ZNF385B: variants seen among roughly 807,000 people sequenced by gnomAD.
The protein encoded by ZNF385B is zinc finger protein 385B, also known as zinc finger protein 533.
Under a neutral mutation model 39.2 loss-of-function variants are expected in ZNF385B, and 23 were observed. The ratio of observed to expected loss-of-function variants is 0.59; its 90% CI spans 0.42 to 0.83. The LOEUF (loss-of-function observed/expected upper bound fraction) is 0.83. Among genes scored for constraint, ZNF385B ranks in the 40% least tolerant of loss-of-function variants. The pLI, the probability that ZNF385B is intolerant of heterozygous loss-of-function variation, is 0.00. For synonymous variants in ZNF385B, 205 were observed against 222.6 expected (o/e 0.92, Z 0.70); for missense variants, 552 against 598.9 (o/e 0.92, Z 0.82).
Position 179,715,532 on chromosome 2 carries a change from T to C in ZNF385B, c.298+53971A>G, listed in dbSNP as rs76692937. Among the ~76,000 whole-genome samples the C allele has an allele frequency of 7.6e-3, 1,161 of 152,286 alleles. 18 individuals carry two copies. The highest frequency in any genetic ancestry group is 0.027 in the African/African-American group (1,105 of 41,544). On this transcript the variant is annotated intron_variant, in intron 3 of 9. Transcript: ENST00000410066. Reference sequence around the variant, plus strand: ...TACAGCTGGTTCCATGAGTTAAGAATGTATGCTAATGAATATCCCATACCT... The same window carrying C: ...TACAGCTGGTTCCATGAGTTAAGAACGTATGCTAATGAATATCCCATACCT...
chr2:179,697,554 G>A (rs374383939), intron 3 of ZNF385B, among the ~76,000 whole-genome samples: 2 of 152,130 alleles, frequency 1.3e-5, no homozygotes, highest in African/African-American at 2.4e-5. Flanking sequence ...GTCTCGGGCA[G>A]TTCTTATAGC....
At chr2:179,639,323 G>A (rs1249019158) in intron 3 of ZNF385B, among the ~76,000 whole-genome samples, 1 of 151,608 alleles carries the variant, frequency 6.6e-6, no homozygotes, top group Non-Finnish European at 1.5e-5. Flanking sequence ...TAGACAGGAT[G>A]GAGTCCCAGA....
intron 1 of ZNF385B, chr2:179,814,136 G>T (rs1057395877): frequency 6.3e-6 from 1 of 159,976 alleles, no homozygotes; most frequent in African/African-American, 2.4e-5. Flanking sequence ...AGGCCCTGGG[G>T]GTCTTCAGGG....
intron 3 of ZNF385B, among the ~76,000 whole-genome samples, chr2:179,634,973 CAAAAAA>C (rs66671134): frequency 5.2e-5 from 6 of 115,582 alleles, no homozygotes; most frequent in African/African-American, 2.1e-4. Flanking sequence ...ACTAAAAATA[CAAAAAA>C]AAAAAAAAAA....
At position 179,645,646 on chromosome 2, in the gene ZNF385B, C is replaced by T. The variant is rs114494043; in HGVS notation, c.299-100677G>A. 6.3e-3 allele frequency among the ~76,000 whole-genome samples: 961 copies of T among 152,252 alleles called. 14 individuals are homozygous for T. The highest frequency in any genetic ancestry group is 0.021 in the African/African-American group (879 of 41,550). The stretch of plus-strand genomic sequence containing the variant: ...GCTAAAAGCCTGGAGACTGCTTATG[C>T]GATCTAAAGTGCCTTCTCCATCCTC... On this transcript the variant is annotated intron_variant, in intron 3 of 9. Transcript: ENST00000410066.
chr2:179,830,659 A>G (rs2106596715), intron 1 of ZNF385B, among the ~76,000 whole-genome samples: 1 of 152,354 alleles, frequency 6.6e-6, no homozygotes, highest in South Asian at 2.1e-4. Context: ...CATTCTGGAA[A>G]AGGCAAAACT....
chr2:179,807,929 A>AGAAAGAAAGAAAGAAAGAAAGAAGGAAG (rs749760813), intron 1 of ZNF385B, among the ~76,000 whole-genome samples: 1 of 116,412 alleles, frequency 8.6e-6, no homozygotes, highest in African/African-American at 2.9e-5. Context: ...AAAGAAAGAA[A>AGAAAGAAAGAAAGAAAGAAAGAAGGAAG]GAAGGAAGGA....
intron 1 of ZNF385B, among the ~76,000 whole-genome samples, chr2:179,785,206 G>A (rs1419643894): frequency 6.6e-6 from 1 of 152,146 alleles, no homozygotes; most frequent in Non-Finnish European, 1.5e-5. Context: ...CATTAGCTTC[G>A]AGGAGTGGAG....
chr2:179,745,798 T>C (rs1259757727), intron 3 of ZNF385B: 26 of 1,514,020 alleles, frequency 1.7e-5, no homozygotes, highest in Non-Finnish European at 2.3e-5. Context: ...ACTTCCAGTA[T>C]GTGACCAGGA....
In ZNF385B at chr2:179,535,141, C is replaced by T. The variant is rs528625594; in HGVS notation, c.441+9686G>A. On this transcript the variant is annotated intron_variant, in intron 4 of 9. Coordinates refer to ENST00000410066, the MANE Select transcript of ZNF385B (RefSeq NM_152520.6). ...TGTTTTGAGAATTTCATTCTATGCA[C>T]CTCTACTTATTTGTAAATCATAAGC... 7.7e-4 allele frequency among the ~76,000 whole-genome samples: 117 copies of T among 152,238 alleles called. No homozygotes were observed. The Middle Eastern group carries it at 0.014, about 18-fold the overall frequency.
At chr2:179,722,899 TA>T (rs1700782162) in intron 3 of ZNF385B, among the ~76,000 whole-genome samples, 1 of 152,116 alleles carries the variant, frequency 6.6e-6, no homozygotes, top group Non-Finnish European at 1.5e-5. Context: ...GGTCACATGA[TA>T]TGAATAGGAA....
At chr2:179,798,528 A>G (rs550438974) in intron 1 of ZNF385B, among the ~76,000 whole-genome samples, 3 of 152,234 alleles carry the variant, frequency 2.0e-5, no homozygotes, top group African/African-American at 4.8e-5. Flanking sequence ...CTTCATCTTT[A>G]TCTTCCTTCT....
At chr2:179,465,161 C>G (rs1415481620) in intron 6 of ZNF385B, among the ~76,000 whole-genome samples, 1 of 152,082 alleles carries the variant, frequency 6.6e-6, no homozygotes, top group Non-Finnish European at 1.5e-5. Context: ...CTTTGATGTT[C>G]ATGAAATTTC....
Position 179,442,882 on chromosome 2 carries a change from T to C in ZNF385B, c.*368A>G, listed in dbSNP as rs142500928. The C allele has an allele frequency of 1.0e-3, 281 of 278,314 alleles. 1 individual carries two copies. The highest frequency in any genetic ancestry group is 7.5e-3 in the Middle Eastern group (6 of 800). The allele number at this position is 278,314 out of a possible 1,614,324, so 17.2% of individuals were successfully genotyped here. A position where few individuals can be genotyped will look rare whatever the true frequency, so the allele number is the denominator to read the frequency against. ...CTAGTTTTCAAGTCTGTCAGGAAAA[T>C]ATTCCATATTGTTTTAAGCCAGATC... is the stretch of plus-strand genomic sequence containing the variant. On this transcript the variant is annotated 3_prime_UTR_variant, in exon 10 of 10. Coordinates refer to ENST00000410066, the MANE Select transcript of ZNF385B (RefSeq NM_152520.6).
At chr2:179,573,559 TATGTC>T (rs1319680555) in intron 3 of ZNF385B, among the ~76,000 whole-genome samples, 3 of 152,120 alleles carry the variant, frequency 2.0e-5, no homozygotes, top group African/African-American at 7.2e-5. Context: ...ATTTATTAGT[TATGTC>T]ATGTGCTGTA....
intron 3 of ZNF385B, among the ~76,000 whole-genome samples, chr2:179,674,280 C>T (rs568545665): frequency 1.2e-4 from 19 of 152,120 alleles, no homozygotes; most frequent in South Asian, 6.2e-4. Flanking sequence ...GTGAAGGAGA[C>T]GGATTATTAT....
At chr2:179,847,613 C>T (rs981814802) in intron 1 of ZNF385B, among the ~76,000 whole-genome samples, 11 of 152,174 alleles carry the variant, frequency 7.2e-5, no homozygotes, top group Non-Finnish European at 1.2e-4. Context: ...AAGTTCCTTG[C>T]AGCCACTTTT....
At chr2:179,445,456 CT>C (rs2049376807) in intron 8 of ZNF385B, 93 bp downstream of exon 8, 3 of 1,270,836 alleles carry the variant, frequency 2.4e-6, no homozygotes, top group Admixed American at 4.9e-5. Flanking sequence ...GTCAACTTAA[CT>C]GTGAGCACAG....
chr2:179,797,235 C>T (rs989345588), intron 1 of ZNF385B, among the ~76,000 whole-genome samples: 1 of 152,024 alleles, frequency 6.6e-6, no homozygotes, highest in Admixed American at 6.6e-5. Flanking sequence ...TAGTTCACTC[C>T]CAATTTTGAC....
Sources: allele counts gnomAD v4.1 joint callset (sites outside exome capture counted in the v4.1 genomes callset), GRCh38; gene constraint gnomAD v4.1.1; transcripts MANE v1.5; gene names NCBI Gene and HGNC (gene_info 2026-07-23, HGNC 2026-07-21).